Variants in DDX46 observed in about 807,000 individuals in gnomAD.
DDX46 encodes DEAD-box helicase 46.
In DDX46, 30 loss-of-function variants were observed where a neutral mutation model predicts 134.9. The observed-to-expected ratio is 0.22, with a 90% CI of 0.17 to 0.30. The LOEUF is 0.30. DDX46 is among the 10% of genes least tolerant of loss of function. The pLI is 1.00. For missense variants in DDX46, 622 were observed against 1,248.7 expected, an observed-to-expected ratio of 0.50 and a Z score of 7.56; for synonymous variants, 415 against 404.1, an observed-to-expected ratio of 1.03 and a Z score of -0.32.
intron 18 of DDX46, among the ~76,000 whole-genome samples, chr5:134,813,363 A>T (rs901823234): frequency 6.6e-6 from 1 of 152,244 alleles, no homozygotes; most frequent in African/African-American, 2.4e-5. Flanking sequence ...CAGTTTAGTC[A>T]GGTAGTTCTG....
chr5:134,821,886 G>A (rs1052787684), intron 21 of DDX46, among the ~76,000 whole-genome samples: 1 of 144,864 alleles, frequency 6.9e-6, no homozygotes, highest in Non-Finnish European at 1.5e-5. Flanking sequence ...GTATTTTTAG[G>A]TTTTTTTTTG....
intron 18 of DDX46, among the ~76,000 whole-genome samples, chr5:134,815,113 G>C (rs1171999182): frequency 6.6e-6 from 1 of 152,172 alleles, no homozygotes; most frequent in Non-Finnish European, 1.5e-5. Context: ...AGCTGGACGT[G>C]CTAGTGCACG....
intron 10 of DDX46, among the ~76,000 whole-genome samples, chr5:134,784,988 T>G (rs1391876331): frequency 6.6e-6 from 1 of 152,224 alleles, no homozygotes; most frequent in Non-Finnish European, 1.5e-5. Flanking sequence ...TCTTGATTCA[T>G]CTTGGCAGAG....
In DDX46 at chr5:134,773,881, AGCCTGT is replaced by A. The variant is rs775696540; in HGVS notation, c.613+21_613+26del. The A allele has an allele frequency of 2.1e-5, 33 of 1,579,892 alleles. No homozygotes were observed. Among genetic ancestry groups the A allele is most frequent in the Non-Finnish European group, 2.7e-5 (32 of 1,166,422 alleles). On this transcript the variant is annotated intron_variant, in intron 5 of 22. Transcript: ENST00000452510. ...ATGATGGTATATTTTTTAGCCTAAT[AGCCTGT>A]ATAACACCTCATGTAGAATATTATA...
intron 21 of DDX46, among the ~76,000 whole-genome samples, chr5:134,823,747 A>G (rs1755519765): frequency 6.6e-6 from 1 of 152,218 alleles, no homozygotes; most frequent in Non-Finnish European, 1.5e-5. Flanking sequence ...CTTCAAGCAG[A>G]GAAAACTTAA....
At chr5:134,788,773 C>T (rs1240644463) in intron 12 of DDX46, among the ~76,000 whole-genome samples, 182 bp downstream of exon 12, 2 of 151,630 alleles carry the variant, frequency 1.3e-5, no homozygotes, top group African/African-American at 4.8e-5. Context: ...AGCTTGAACC[C>T]GGGAGGCGGA....
chr5:134,804,947 A>G lies in DDX46; in HGVS notation c.1955-2801A>G, dbSNP rs1271768595. ...TTTTGGACATTCACGTAACAATATT[A>G]GATCTCACAACACAAACCCCTTGAA... On this transcript the variant is annotated intron_variant, in intron 15 of 22. Transcript: ENST00000452510. 3 of 347,376 alleles carry G rather than the reference A, an allele frequency of 8.6e-6. No individual in the cohort carries two copies. The East Asian group carries it at 1.9e-4, about 22-fold the overall frequency. The allele number at this position is 347,376 out of a possible 1,614,324, so 21.5% of individuals were successfully genotyped here.
At chr5:134,812,798 C>T (rs1412530957) in intron 18 of DDX46, among the ~76,000 whole-genome samples, 8 of 152,024 alleles carry the variant, frequency 5.3e-5, no homozygotes, top group East Asian at 1.9e-4. Context: ...CCACCACGCC[C>T]GGCTGATTTT....
intron 14 of DDX46, 42 bp from the exon 15 acceptor site, chr5:134,795,946 G>C (rs1459516153): frequency 1.9e-6 from 3 of 1,572,250 alleles, no homozygotes; most frequent in Non-Finnish European, 2.6e-6. Context: ...GGATCCATTT[G>C]CATTTTCACT....
chr5:134,772,846 G>A (rs1462833127), intron 4 of DDX46, among the ~76,000 whole-genome samples: 1 of 152,146 alleles, frequency 6.6e-6, no homozygotes, highest in Non-Finnish European at 1.5e-5. Flanking sequence ...TTGTTGCTGA[G>A]GCCGGAGTAC....
chr5:134,778,681 C>A (rs979743286), intron 6 of DDX46, among the ~76,000 whole-genome samples: 2 of 152,046 alleles, frequency 1.3e-5, no homozygotes, highest in African/African-American at 4.8e-5. Context: ...TCAAGCGATT[C>A]TCCTGCCTCA....
intron 9 of DDX46, among the ~76,000 whole-genome samples, chr5:134,784,056 C>T (rs968268547): frequency 6.6e-6 from 1 of 152,082 alleles, no homozygotes; most frequent in African/African-American, 2.4e-5. Context: ...CCCCTCTCCC[C>T]ACCCCTGGGC....
At chr5:134,825,875 C>G (rs1047149812) in intron 21 of DDX46, 5 of 152,208 alleles carry the variant, frequency 3.3e-5, no homozygotes, top group African/African-American at 1.2e-4. Context: ...AAATTTCACC[C>G]ATTATCACTG....
At chr5:134,776,929 AAG>A (rs1248469477) in intron 5 of DDX46, among the ~76,000 whole-genome samples, 7 of 136,790 alleles carry the variant, frequency 5.1e-5, no homozygotes, top group Admixed American at 7.4e-5. Context: ...AAAAAAAAAA[AAG>A]GCCAGGCGTG....
Position 134,794,880 on chromosome 5 carries a change from G to C in DDX46, c.1657G>C (p.Asp553His), listed in dbSNP as rs1754604174. 2.5e-6 allele frequency: 4 copies of C among 1,614,170 alleles called. No homozygotes were observed. Among genetic ancestry groups the C allele is most frequent in the South Asian group, 1.1e-5 (1 of 91,084 alleles). ...GCGCATCGTGGATAATGTTCGTCCT[G>C]ATCGACAGACGGTTATGTTTTCAGC... ...VMRIVDNVRP[D>H]RQTVMFSATF... Residue 553 changes from aspartate (D) to histidine (H), a missense_variant, in exon 14 of 23, where the codon GAT (aspartate) becomes CAT (histidine). By Grantham distance (81) the Asp-to-His change is moderately conservative. Transcript: ENST00000452510.
At position 134,758,957 on chromosome 5, in the gene DDX46, TGAGGCAGAGCGCC is replaced by T; in HGVS notation, c.17+6_17+18del. 2 of 1,612,010 alleles carry T rather than the reference TGAGGCAGAGCGCC, an allele frequency of 1.2e-6. No individual in the cohort carries two copies. The highest frequency in any genetic ancestry group is 1.7e-6 in the Non-Finnish European group (2 of 1,179,828). On this transcript the variant is annotated splice_donor_5th_base_variant and intron_variant, in intron 1 of 22. Transcript: ENST00000452510. ...CGGCAGCATGGGTCGGGAGTCACGG[TGAGGCAGAGCGCC>T]GAGCGGGCTAGCGGGCGAGCGGCTT...
chr5:134,765,109 C>CTCCAGCTTTAACT (rs1214443302), intron 2 of DDX46, among the ~76,000 whole-genome samples: 4 of 149,780 alleles, frequency 2.7e-5, no homozygotes, highest in Non-Finnish European at 5.9e-5. Flanking sequence ...CACTCTGTCA[C>CTCCAGCTTTAACT]CCAGGCTGGA....
chr5:134,807,443 T>C (rs1755025816), intron 15 of DDX46, among the ~76,000 whole-genome samples: 2 of 152,156 alleles, frequency 1.3e-5, no homozygotes. Flanking sequence ...CAATATAGGC[T>C]GAATGTTTCT....
In DDX46 at chr5:134,770,934, G is replaced by T. The variant is rs1753745443; in HGVS notation, c.382G>T (p.Glu128Ter). The change falls in exon 4 of 23, where the codon GAA (glutamate) becomes TAA (stop). Residue 128 changes from glutamate (E) to a stop codon, truncating the protein, a stop_gained. Coordinates refer to ENST00000452510, the MANE Select transcript of DDX46 (RefSeq NM_001300860.2). LOFTEE classifies it high-confidence loss of function. Reference sequence around the variant, plus strand: ...GTCCAAAGAGAAAACTGATGGTGGGGAAAGTTCTAAAGAGAAGAAAAAAGA... The same window carrying T: ...GTCCAAAGAGAAAACTGATGGTGGGTAAAGTTCTAAAGAGAAGAAAAAAGA... ...SRSKEKTDGG[E>*]SSKEKKKDKD... The T allele has an allele frequency of 6.3e-7, 1 of 1,587,982 alleles. No homozygotes were observed.
Sources: allele counts gnomAD v4.1 joint callset (sites outside exome capture counted in the v4.1 genomes callset), GRCh38; gene constraint gnomAD v4.1.1; transcripts MANE v1.5; gene names NCBI Gene and HGNC (gene_info 2026-07-23, HGNC 2026-07-21).